RPS6KC1: variants seen among roughly 807,000 people sequenced by gnomAD.
The protein encoded by RPS6KC1 is ribosomal protein S6 kinase C1.
RPS6KC1 carries 54 observed loss-of-function variants against 103.8 expected under a neutral mutation model. The ratio of observed to expected loss-of-function variants is 0.52; its 90% CI spans 0.42 to 0.65. The LOEUF is 0.65. Among genes scored for constraint, RPS6KC1 ranks in the 30% least tolerant of loss-of-function variants. RPS6KC1 has a pLI of 0.00. For synonymous variants in RPS6KC1, 439 were observed against 438.7 expected (o/e 1.00, Z -0.01); for missense variants, 1,151 against 1,253.8 (o/e 0.92, Z 1.24).
chr1:213,208,158 T>A (rs1435856903), intron 8 of RPS6KC1, among the ~76,000 whole-genome samples: 7 of 152,208 alleles, frequency 4.6e-5, no homozygotes, highest in African/African-American at 1.7e-4. Flanking sequence ...TTTTAAAATA[T>A]CTCTCAAGTA....
the RPS6KC1 span, among the ~76,000 whole-genome samples, chr1:213,335,967 T>C: frequency 6.6e-6 from 1 of 152,336 alleles, no homozygotes; most frequent in East Asian, 1.9e-4. Context: ...AAAGGAAATT[T>C]TTTAGGAGAC....
the RPS6KC1 span, among the ~76,000 whole-genome samples, chr1:213,765,835 A>G: frequency 6.6e-6 from 1 of 152,198 alleles, no homozygotes; most frequent in Non-Finnish European, 1.5e-5. Context: ...CTATAAAAAA[A>G]TTTTTATAAT....
At chr1:213,245,550 C>T (rs1020896846) in intron 12 of RPS6KC1, among the ~76,000 whole-genome samples, 1 of 152,132 alleles carries the variant, frequency 6.6e-6, no homozygotes, top group African/African-American at 2.4e-5. Context: ...CCTGGGAATC[C>T]TTATCACATA....
At chr1:213,580,022 T>G in the RPS6KC1 span, among the ~76,000 whole-genome samples, 1 of 152,110 alleles carries the variant, frequency 6.6e-6, no homozygotes, top group Non-Finnish European at 1.5e-5. Context: ...CATTTTGACT[T>G]TCAAGTCTTA....
At chr1:213,745,238 T>G in the RPS6KC1 span, among the ~76,000 whole-genome samples, 2 of 151,756 alleles carry the variant, frequency 1.3e-5, no homozygotes, top group Non-Finnish European at 2.9e-5. Flanking sequence ...TTTTTTTTTT[T>G]CTTTATGTAT....
At chr1:213,119,123 C>T (rs918850998) in intron 5 of RPS6KC1, among the ~76,000 whole-genome samples, 3 of 151,792 alleles carry the variant, frequency 2.0e-5, no homozygotes, top group Non-Finnish European at 2.9e-5. Context: ...CATACTGATT[C>T]TGTGAGAACA....
chr1:213,667,908 CT>C, the RPS6KC1 span, among the ~76,000 whole-genome samples: 2 of 152,222 alleles, frequency 1.3e-5, no homozygotes, highest in African/African-American at 4.8e-5. Context: ...AATTTTTCAC[CT>C]GTTCAAGTTT....
Position 213,104,527 on chromosome 1 carries a change from T to C in RPS6KC1, c.336T>C (p.Ile112=). 1 of 1,611,920 alleles carries C rather than the reference T, an allele frequency of 6.2e-7. No homozygotes were observed. Among genetic ancestry groups the C allele is most frequent in the East Asian group, 2.2e-5 (1 of 44,764 alleles). Residue 112 remains isoleucine (I), a synonymous_variant, in exon 4 of 15, where the codon ATT becomes ATC. Transcript: ENST00000366960. ...ACCTGCTACAGTTCTCTGCCAATAT[T>C]CCTGCTCTTTACAATAGTAAACAGC... The part of the protein sequence containing the change: ...AEDLLQFSAN[I]PALYNSKQLE...
the RPS6KC1 span, among the ~76,000 whole-genome samples, chr1:213,664,198 G>GGGGGC: frequency 4.2e-5 from 6 of 143,172 alleles, no homozygotes; most frequent in African/African-American, 1.5e-4. Flanking sequence ...TGAGCGGGGG[G>GGGGGC]GCGGGGTGGG....
At chr1:213,531,709 G>A in the RPS6KC1 span, among the ~76,000 whole-genome samples, 1 of 152,232 alleles carries the variant, frequency 6.6e-6, no homozygotes, top group East Asian at 1.9e-4. Context: ...GTGGAAAGAA[G>A]TTTCCTAAAC....
At chr1:213,639,557 C>G in the RPS6KC1 span, among the ~76,000 whole-genome samples, 1 of 152,056 alleles carries the variant, frequency 6.6e-6, no homozygotes, top group Non-Finnish European at 1.5e-5. Context: ...TGTTCCTCAT[C>G]ATGTTAAGGA....
chr1:213,261,694 A>C (rs2094801330), intron 13 of RPS6KC1, 54 bp downstream of exon 13: 2 of 1,466,544 alleles, frequency 1.4e-6, no homozygotes, highest in Non-Finnish European at 1.9e-6. Flanking sequence ...CCTTGATTTC[A>C]AATTAAGAAC....
the RPS6KC1 span, among the ~76,000 whole-genome samples, chr1:213,696,373 G>A: frequency 1.3e-5 from 2 of 151,940 alleles, no homozygotes; most frequent in Admixed American, 6.5e-5. Flanking sequence ...ATGGTGGCAC[G>A]TGCCTGTAAT....
chr1:213,698,987 C>A, the RPS6KC1 span, among the ~76,000 whole-genome samples: 1 of 151,946 alleles, frequency 6.6e-6, no homozygotes, highest in African/African-American at 2.4e-5. Flanking sequence ...ACATGCAATG[C>A]ACAATAATCA....
chr1:213,328,158 A>T, the RPS6KC1 span, among the ~76,000 whole-genome samples: 1 of 152,144 alleles, frequency 6.6e-6, no homozygotes, highest in Non-Finnish European at 1.5e-5. Context: ...CAGTTTCTAC[A>T]TCTCTATCTG....
At chr1:213,285,396 A>G in the RPS6KC1 span, among the ~76,000 whole-genome samples, 3 of 152,204 alleles carry the variant, frequency 2.0e-5, no homozygotes, top group Admixed American at 2.0e-4. Context: ...GATTCAGTCT[A>G]TTGCAGTTCC....
the RPS6KC1 span, among the ~76,000 whole-genome samples, chr1:213,672,825 A>T: frequency 6.6e-6 from 1 of 152,138 alleles, no homozygotes; most frequent in African/African-American, 2.4e-5. Context: ...TAAACTCGTC[A>T]TCTCATCCCT....
chr1:213,218,685 G>A (rs978818306), intron 8 of RPS6KC1, among the ~76,000 whole-genome samples: 6 of 152,104 alleles, frequency 3.9e-5, no homozygotes, highest in Non-Finnish European at 8.8e-5. Context: ...ATAGACCAAT[G>A]GAACAGAACA....
intron 3 of RPS6KC1, among the ~76,000 whole-genome samples, chr1:213,096,299 T>G (rs2081445738): frequency 6.6e-6 from 1 of 152,190 alleles, no homozygotes; most frequent in Admixed American, 6.6e-5. Flanking sequence ...CAGTTTTCAT[T>G]CTCTTGCTAT....
Sources: allele counts gnomAD v4.1 joint callset (sites outside exome capture counted in the v4.1 genomes callset), GRCh38; gene constraint gnomAD v4.1.1; transcripts MANE v1.5; gene names NCBI Gene and HGNC (gene_info 2026-07-23, HGNC 2026-07-21).